Variants in ADIPOR1 observed in about 807,000 individuals in gnomAD.
ADIPOR1 encodes adiponectin receptor 1.
In ADIPOR1, 15 loss-of-function variants were observed where a neutral mutation model predicts 37.5. The observed-to-expected ratio is 0.40, with a 90% CI of 0.27 to 0.62. The LOEUF (loss-of-function observed/expected upper bound fraction) is 0.62, where lower values mean the gene tolerates loss of function less well. Ranked by LOEUF, ADIPOR1 falls within the 20% of genes least tolerant of loss-of-function variation. ADIPOR1 has a pLI of 0.42. For synonymous variants in ADIPOR1, 173 were observed against 173.2 expected (o/e 1.00, Z 0.01); for missense variants, 286 against 478.0 (o/e 0.60, Z 3.75).
At chr1:202,954,723 A>C (rs1324771164) in intron 1 of ADIPOR1, among the ~76,000 whole-genome samples, 1 of 152,184 alleles carries the variant, frequency 6.6e-6, no homozygotes, top group Non-Finnish European at 1.5e-5. Context: ...TGGAGCAGGG[A>C]GGTTGTTTGT....
rs1363137138 is a variant in ADIPOR1 at position 202,951,149 on chromosome 1, C to T, written c.-79G>A. On this transcript the variant is annotated 5_prime_UTR_variant, in exon 2 of 8. Transcript: ENST00000340990. ...CTCAGCCCCAGGGGGCAGAGATCTC[C>T]CTCTGATGGTAGACACTAAAAGAAA... The T allele has an allele frequency of 3.0e-5, 47 of 1,553,396 alleles. No homozygotes were observed. The highest frequency in any genetic ancestry group is 4.0e-5 in the Non-Finnish European group (45 of 1,135,914).
chr1:202,947,306 G>A (rs950518994), intron 3 of ADIPOR1, among the ~76,000 whole-genome samples: 1 of 152,098 alleles, frequency 6.6e-6, no homozygotes, highest in Non-Finnish European at 1.5e-5. Flanking sequence ...CGGATCACCT[G>A]AGGTTGGGAG....
At position 202,943,127 on chromosome 1, in the gene ADIPOR1, C is replaced by T. The variant is rs533222951; in HGVS notation, c.805+631G>A. On this transcript the variant is annotated intron_variant, in intron 6 of 7. Transcript: ENST00000340990. Reference sequence around the variant, plus strand: ...AAGTGATCCGCCTGCCTCGGCCCCCCAAAGTGCTGGGATTACAGGCGTGAG... The same window carrying T: ...AAGTGATCCGCCTGCCTCGGCCCCCTAAAGTGCTGGGATTACAGGCGTGAG... 4.5e-4 allele frequency among the ~76,000 whole-genome samples: 68 copies of T among 151,784 alleles called. 1 individual carries two copies. In the East Asian group the frequency reaches 6.2e-3, roughly 14 times the overall value.
chr1:202,947,754 G>A (rs1361694919), intron 3 of ADIPOR1, among the ~76,000 whole-genome samples: 1 of 151,968 alleles, frequency 6.6e-6, no homozygotes, highest in Non-Finnish European at 1.5e-5. Context: ...ATGCACTATG[G>A]ACAGGATCCA....
At chr1:202,956,407 C>T (rs966979248) in intron 1 of ADIPOR1, among the ~76,000 whole-genome samples, 2 of 152,182 alleles carry the variant, frequency 1.3e-5, no homozygotes, top group African/African-American at 4.8e-5. Context: ...TTCTAACCTT[C>T]ATTAATCTGA....
chr1:202,948,260 C>T lies in ADIPOR1; in HGVS notation c.258+44G>A, dbSNP rs148522435. On this transcript the variant is annotated intron_variant, in intron 3 of 7. Transcript: ENST00000340990. ...GCTGGCTGGGGACATCCCAGACAGG[C>T]CTGCTGCCCTTCCCCTTCCAGGACA... is the stretch of plus-strand genomic sequence containing the variant. The T allele has an allele frequency of 2.7e-5, 40 of 1,488,748 alleles. No individual in the cohort carries two copies. The East Asian group carries it at 9.2e-4, about 34-fold the overall frequency. The allele number at this position is 1,488,748 out of a possible 1,614,324, so 92.2% of individuals were successfully genotyped here. A position where few individuals can be genotyped will look rare whatever the true frequency, so the allele number is the denominator to read the frequency against.
At chr1:202,943,715 A>C in intron 6 of ADIPOR1, 43 bp downstream of exon 6, 1 of 1,590,662 alleles carries the variant, frequency 6.3e-7, no homozygotes, top group Non-Finnish European at 8.6e-7. Flanking sequence ...ATCAGGCCTA[A>C]GGTCTAAATA....
At position 202,951,094 on chromosome 1, in the gene ADIPOR1, C is replaced by T. The variant is rs1306995995; in HGVS notation, c.-24G>A. The T allele has an allele frequency of 1.2e-6, 2 of 1,613,052 alleles. No homozygotes were observed. Among genetic ancestry groups the T allele is most frequent in the East Asian group, 2.2e-5 (1 of 44,840 alleles). On this transcript the variant is annotated 5_prime_UTR_variant, in exon 2 of 8. Transcript: ENST00000340990. ...ATCTGGCTGGTACCTCAATACCCTGCAGCTTCAGCTTGGGGAAAGGTTGGG... is the reference window on the plus strand; with the variant it reads ...ATCTGGCTGGTACCTCAATACCCTGTAGCTTCAGCTTGGGGAAAGGTTGGG...
intron 2 of ADIPOR1, among the ~76,000 whole-genome samples, chr1:202,949,073 A>G (rs905380139): frequency 6.6e-5 from 10 of 151,094 alleles, no homozygotes; most frequent in Non-Finnish European, 4.4e-5. Context: ...TTACAGGCTG[A>G]GCCACCATGC....
chr1:202,955,698 G>GA (rs1654756937), intron 1 of ADIPOR1, among the ~76,000 whole-genome samples: 1 of 152,024 alleles, frequency 6.6e-6, no homozygotes, highest in Non-Finnish European at 1.5e-5. Context: ...TATACTCCTG[G>GA]ACTCAAGCAA....
chr1:202,951,480 AACCATT>A (rs1654579601), intron 1 of ADIPOR1, among the ~76,000 whole-genome samples: 1 of 152,170 alleles, frequency 6.6e-6, no homozygotes, highest in South Asian at 2.1e-4. Context: ...ACAGGTATGG[AACCATT>A]TAGTGAGAAG....
At chr1:202,949,928 C>T (rs959732622) in intron 2 of ADIPOR1, among the ~76,000 whole-genome samples, 9 of 152,088 alleles carry the variant, frequency 5.9e-5, no homozygotes, top group Non-Finnish European at 1.2e-4. Context: ...AAGTTCTGGC[C>T]GAAGTCTTAT....
At position 202,943,964 on chromosome 1, in the gene ADIPOR1, A is replaced by G. The variant is rs560545929; in HGVS notation, c.618-19T>C. ...GTCCAGTCTAAAAAGAACCACAAAAATGAAACAAATCAGTGGGGGAAATGA... is the reference window on the plus strand; with the variant it reads ...GTCCAGTCTAAAAAGAACCACAAAAGTGAAACAAATCAGTGGGGGAAATGA... On this transcript the variant is annotated intron_variant, in intron 5 of 7. Coordinates refer to ENST00000340990, the MANE Select transcript of ADIPOR1 (RefSeq NM_015999.6). The G allele has an allele frequency of 3.1e-6, 5 of 1,595,916 alleles. No homozygotes were observed. The highest frequency in any genetic ancestry group is 1.7e-5 in the Admixed American group (1 of 58,128).
chr1:202,948,727 T>G (rs1320834755), intron 2 of ADIPOR1, among the ~76,000 whole-genome samples: 2 of 152,186 alleles, frequency 1.3e-5, no homozygotes, highest in Non-Finnish European at 2.9e-5. Flanking sequence ...TTCTTTAGGA[T>G]AGTGGTTCTT....
chr1:202,954,748 G>A (rs1156624281), intron 1 of ADIPOR1, among the ~76,000 whole-genome samples: 2 of 152,214 alleles, frequency 1.3e-5, no homozygotes, highest in Non-Finnish European at 2.9e-5. Context: ...CTATAAATAA[G>A]ATAATCCTGT....
chr1:202,947,413 T>G (rs748891313), intron 3 of ADIPOR1, among the ~76,000 whole-genome samples: 5 of 151,908 alleles, frequency 3.3e-5, no homozygotes, highest in Non-Finnish European at 5.9e-5. Flanking sequence ...TCCCAGCTAC[T>G]CGGGAGGCTG....
intron 2 of ADIPOR1, 49 bp from the exon 3 acceptor site, chr1:202,948,469 G>A (rs1654423238): frequency 6.5e-7 from 1 of 1,542,250 alleles, no homozygotes; most frequent in African/African-American, 1.4e-5. Flanking sequence ...CTCATAAATT[G>A]TACTATTCCA....
rs1336726565 is a variant in ADIPOR1 at position 202,940,995 on chromosome 1, T to G, written c.*578A>C. 6.6e-6 allele frequency: 1 copy of G among 152,524 alleles called. No homozygotes were observed. Among genetic ancestry groups the G allele is most frequent in the African/African-American group, 2.4e-5 (1 of 41,410 alleles). The allele number at this position is 152,524 out of a possible 1,614,324, so 9.4% of individuals were successfully genotyped here. ...TACTCTGCCAAGAAAAAAAAAAAAT[T>G]AAAACTCAAGTTACTTGAAGCCTGG... On this transcript the variant is annotated 3_prime_UTR_variant, in exon 8 of 8. Transcript: ENST00000340990.
In ADIPOR1 at chr1:202,941,708, G is replaced by A. The variant is rs745412652; in HGVS notation, c.1000-7C>T. ...AAATCTGATGAGACTGGAACTGTAG[G>A]AATAAAAAGAAAAGAGCCTTTAGGA... On this transcript the variant is annotated splice_region_variant and splice_polypyrimidine_tract_variant and intron_variant, in intron 7 of 7. Transcript: ENST00000340990. 92 of 1,605,322 alleles carry A rather than the reference G, an allele frequency of 5.7e-5. No individual in the cohort carries two copies. The highest frequency in any genetic ancestry group is 2.6e-5 in the Non-Finnish European group (31 of 1,177,900).
Sources: allele counts gnomAD v4.1 joint callset (sites outside exome capture counted in the v4.1 genomes callset), GRCh38; gene constraint gnomAD v4.1.1; transcripts MANE v1.5; gene names NCBI Gene and HGNC (gene_info 2026-07-23, HGNC 2026-07-21).